Variants in FAM13B observed in about 807,000 individuals in gnomAD.
The protein encoded by FAM13B is protein FAM13B.
Under a neutral mutation model 117.3 loss-of-function variants are expected in FAM13B, and 60 were observed. The ratio of observed to expected loss-of-function variants is 0.51; its 90% CI spans 0.42 to 0.63. The LOEUF is 0.63. FAM13B is among the 30% of genes least tolerant of loss of function. FAM13B has a pLI of 0.00. For missense variants in FAM13B, 972 were observed against 1,091.9 expected (o/e 0.89, Z 1.55); for synonymous variants, 332 against 356.1 (o/e 0.93, Z 0.76).
intron 20 of FAM13B, 51 bp downstream of exon 20, chr5:137,945,851 A>G (rs752144290): frequency 7.4e-7 from 1 of 1,343,956 alleles, no homozygotes; most frequent in South Asian, 1.3e-5. Flanking sequence ...TTTTTTGGGA[A>G]GAGTACATCT....
intron 1 of FAM13B, among the ~76,000 whole-genome samples, chr5:138,029,518 C>T (rs1281176865): frequency 1.3e-5 from 2 of 152,174 alleles, no homozygotes. Context: ...AGTGATTCTA[C>T]AACCAATCAT....
At position 137,959,906 on chromosome 5, in the gene FAM13B, C is replaced by G. The variant is rs939809564; in HGVS notation, c.1294-143G>C. 32 of 774,496 alleles carry G rather than the reference C, an allele frequency of 4.1e-5. No homozygotes were observed. In the African/African-American group the frequency reaches 5.5e-4, roughly 13 times the overall value. 48.0% of individuals were successfully genotyped at this position (774,496 alleles called of 1,614,324 possible). On this transcript the variant is annotated intron_variant, in intron 12 of 23. Transcript: ENST00000689681. ...AACTGTCCCACTCCCACTGTGCAAA[C>G]TATTTTCAAATATAAACATGCAGTT...
At chr5:138,043,658 T>A (rs1791562582) in intron 1 of FAM13B, among the ~76,000 whole-genome samples, 2 of 151,964 alleles carry the variant, frequency 1.3e-5, no homozygotes, top group Non-Finnish European at 1.5e-5. Flanking sequence ...CAGACTGGTC[T>A]CGAACTCCTG....
At chr5:138,021,689 A>G (rs760701823) in intron 1 of FAM13B, among the ~76,000 whole-genome samples, 8 of 152,362 alleles carry the variant, frequency 5.3e-5, no homozygotes, top group Non-Finnish European at 7.3e-5. Context: ...AAGCGATAGC[A>G]TATGTTGGAA....
rs757624607 is a variant in FAM13B at position 137,953,443 on chromosome 5, A to C, written c.1741T>G (p.Ser581Ala). 21 of 1,613,696 alleles carry C rather than the reference A, an allele frequency of 1.3e-5. No individual in the cohort carries two copies. The highest frequency in any genetic ancestry group is 1.8e-5 in the Non-Finnish European group (21 of 1,179,820). The change falls in exon 16 of 24, where the codon TCA becomes GCA. Residue 581 changes from serine (S) to alanine (A), a missense_variant. By Grantham distance (99) the Ser-to-Ala change is moderately conservative. Transcript: ENST00000689681. ...CTGTCCTCTCTCTTTTCATCTTTTG[A>C]ACTAAAGGATGATCTTCGAATTCTG... ...FTRIRRSSFS[S>A]KDEKREDRTP... is the part of the protein sequence containing the mutation.
At position 138,007,148 on chromosome 5, in the gene FAM13B, C is replaced by A; in HGVS notation, c.691-1G>T. On this transcript the variant is annotated splice_acceptor_variant, in intron 6 of 23. Coordinates refer to ENST00000689681, the MANE Select transcript of FAM13B (RefSeq NM_001385994.1). LOFTEE classifies it high-confidence loss of function. ...CTTCTTCCTCAGAAAGTTCATTAAC[C>A]TATATAAATAAAAAGAAATTCAGAA... The A allele has an allele frequency of 6.3e-7, 1 of 1,582,616 alleles. No individual in the cohort carries two copies. Among genetic ancestry groups the A allele is most frequent in the Non-Finnish European group, 8.6e-7 (1 of 1,167,942 alleles).
chr5:138,043,760 G>C (rs1389778561), intron 1 of FAM13B, among the ~76,000 whole-genome samples: 1 of 151,536 alleles, frequency 6.6e-6, no homozygotes, highest in Non-Finnish European at 1.5e-5. Flanking sequence ...TTTTTTAACA[G>C]AAATGGGATC....
At chr5:137,968,390 G>A (rs958719955) in intron 10 of FAM13B, among the ~76,000 whole-genome samples, 4 of 147,646 alleles carry the variant, frequency 2.7e-5, no homozygotes, top group Admixed American at 6.8e-5. Context: ...GCAGCAAACC[G>A]AGATCATGCC....
rs1561717841 is a variant in FAM13B, at chr5:137,939,373, C to T, written c.*852G>A. Reference sequence around the variant, plus strand: ...AATCTGAGCACCATCAGAGTTCCTACATACTGACATGGCTATTTTCTCACA... The same window carrying T: ...AATCTGAGCACCATCAGAGTTCCTATATACTGACATGGCTATTTTCTCACA... On this transcript the variant is annotated 3_prime_UTR_variant, in exon 24 of 24. Transcript: ENST00000689681. 1 of 152,688 alleles carries T rather than the reference C, an allele frequency of 6.5e-6. No individual in the cohort carries two copies. The highest frequency in any genetic ancestry group is 1.5e-5 in the Non-Finnish European group (1 of 68,084). The allele number at this position is 152,688 out of a possible 1,614,324, so 9.5% of individuals were successfully genotyped here.
At chr5:137,994,150 G>A (rs1050157468) in intron 7 of FAM13B, among the ~76,000 whole-genome samples, 8 of 152,178 alleles carry the variant, frequency 5.3e-5, no homozygotes, top group African/African-American at 1.7e-4. Flanking sequence ...CAGCAAGCTC[G>A]ATTATTACTG....
intron 13 of FAM13B, among the ~76,000 whole-genome samples, chr5:137,958,726 C>A (rs893545289): frequency 6.6e-6 from 1 of 152,226 alleles, no homozygotes. Flanking sequence ...TTCCCACCCC[C>A]ACTCAACATT....
At chr5:137,964,441 C>G (rs765182021) in intron 10 of FAM13B, among the ~76,000 whole-genome samples, 2 of 151,326 alleles carry the variant, frequency 1.3e-5, no homozygotes, top group Non-Finnish European at 2.9e-5. Context: ...AACCTTGGGG[C>G]CAGGCACAGT....
intron 7 of FAM13B, among the ~76,000 whole-genome samples, chr5:138,002,348 T>C (rs1781478873): frequency 6.6e-6 from 1 of 152,034 alleles, no homozygotes; most frequent in Non-Finnish European, 1.5e-5. Flanking sequence ...CTGGCCAATG[T>C]GGTGAAACCT....
chr5:137,984,376 C>G (rs1041887368), intron 10 of FAM13B, among the ~76,000 whole-genome samples: 1 of 152,138 alleles, frequency 6.6e-6, no homozygotes, highest in Non-Finnish European at 1.5e-5. Context: ...ATCTTGAGAG[C>G]TAACCTTAAC....
Position 137,939,867 on chromosome 5 carries a change from A to T in FAM13B, c.*358T>A. 3 of 1,327,588 alleles carry T rather than the reference A, an allele frequency of 2.3e-6. No homozygotes were observed. Among genetic ancestry groups the T allele is most frequent in the East Asian group, 2.9e-5 (1 of 34,808 alleles). 82.2% of individuals were successfully genotyped at this position (1,327,588 alleles called of 1,614,324 possible). On this transcript the variant is annotated 3_prime_UTR_variant, in exon 24 of 24. Coordinates refer to ENST00000689681, the MANE Select transcript of FAM13B (RefSeq NM_001385994.1). The stretch of plus-strand genomic sequence containing the variant: ...TCCTCCAATTTTCTTCAGTAATGAG[A>T]AACAAAAAGTTGGTAATAACAAAAA...
At chr5:137,988,697 T>C (rs1042624692) in intron 7 of FAM13B, among the ~76,000 whole-genome samples, 1 of 152,194 alleles carries the variant, frequency 6.6e-6, no homozygotes, top group Non-Finnish European at 1.5e-5. Context: ...GCCAAATGCA[T>C]ATGGCCATGG....
At chr5:138,008,437 G>A (rs188625100) in intron 6 of FAM13B, among the ~76,000 whole-genome samples, 43 of 152,238 alleles carry the variant, frequency 2.8e-4, no homozygotes, top group Admixed American at 2.6e-3. Context: ...GTAAGATTTG[G>A]TTTCGAAATT....
intron 10 of FAM13B, among the ~76,000 whole-genome samples, chr5:137,973,647 T>C (rs1772996532): frequency 3.3e-5 from 5 of 151,896 alleles, no homozygotes; most frequent in Admixed American, 3.3e-4. Context: ...CAAAAGAAAC[T>C]ACCATCAGAG....
At chr5:138,029,268 TCTA>T (rs1216818019) in intron 1 of FAM13B, among the ~76,000 whole-genome samples, 2 of 152,204 alleles carry the variant, frequency 1.3e-5, no homozygotes, top group Non-Finnish European at 2.9e-5. Flanking sequence ...GAACTCTAAG[TCTA>T]CTATCTTACA....
Sources: gnomAD v4.1 joint callset for allele counts (sites outside exome capture counted in the v4.1 genomes callset) on GRCh38, gnomAD v4.1.1 for gene constraint, MANE v1.5 for transcripts, NCBI Gene and HGNC (gene_info 2026-07-23, HGNC 2026-07-21) for gene names.